The following KCNK2 variants were observed in gnomAD, a reference collection of about 807,000 sequenced individuals.
The protein encoded by KCNK2 is potassium two pore domain channel subfamily K member 2, also known as potassium channel subfamily K member 2.
A neutral mutation model predicts 40.5 loss-of-function variants in KCNK2; 21 were observed. The ratio of observed to expected loss-of-function variants is 0.52; its 90% CI spans 0.37 to 0.75. The LOEUF is 0.75. Ranked by LOEUF, KCNK2 falls within the 30% of genes least tolerant of loss-of-function variation. The pLI, the probability that KCNK2 is intolerant of heterozygous loss-of-function variation, is 0.00. For synonymous variants in KCNK2, 191 were observed against 202.2 expected (o/e 0.94, Z 0.47); for missense variants, 399 against 531.6 (o/e 0.75, Z 2.45).
chr1:215,059,757 G>C (rs925978917), intron 1 of KCNK2, among the ~76,000 whole-genome samples: 13 of 152,186 alleles, frequency 8.5e-5, no homozygotes, highest in African/African-American at 3.1e-4. Flanking sequence ...CCTAGACAAG[G>C]GGAGAAAGAT....
At chr1:215,125,702 C>T (rs1433454626) in intron 3 of KCNK2, among the ~76,000 whole-genome samples, 2 of 143,472 alleles carry the variant, frequency 1.4e-5, no homozygotes, top group South Asian at 2.2e-4. Flanking sequence ...CAAACCTGCA[C>T]GTTGTGCACA....
chr1:215,040,929 A>G lies in KCNK2; in HGVS notation c.34+34974A>G, dbSNP rs894050944. 1.3e-5 allele frequency among the ~76,000 whole-genome samples: 2 copies of G among 152,146 alleles called. 1 individual carries two copies. ...TGGAGGGCTCTTTAGTCGCTCCCCA[A>G]CTTGAACTAGCCAAGCAAAGAAGGT... On this transcript the variant is annotated intron_variant, in intron 1 of 6. Coordinates refer to the KCNK2 transcript ENST00000391895.
chr1:215,101,413 G>C (rs903452661), intron 2 of KCNK2, among the ~76,000 whole-genome samples: 3 of 151,792 alleles, frequency 2.0e-5, no homozygotes, highest in Non-Finnish European at 4.4e-5. Flanking sequence ...GTTTTTTGGG[G>C]TGGGCAGGAA....
intron 1 of KCNK2, among the ~76,000 whole-genome samples, chr1:215,038,984 A>G (rs1657476461): frequency 6.7e-6 from 1 of 150,018 alleles, no homozygotes; most frequent in East Asian, 1.9e-4. Flanking sequence ...TTATGCTATG[A>G]AAAAAAAAAG....
upstream of KCNK2, among the ~76,000 whole-genome samples, chr1:215,078,617 C>T (rs1659038837): frequency 6.6e-6 from 1 of 152,142 alleles, no homozygotes; most frequent in South Asian, 2.1e-4. Context: ...TTACCTCCAC[C>T]TGTTCCCACC....
chr1:215,176,626 A>T (rs547881637), intron 5 of KCNK2, among the ~76,000 whole-genome samples: 1 of 152,242 alleles, frequency 6.6e-6, no homozygotes, highest in South Asian at 2.1e-4. Flanking sequence ...GCTGAGGATA[A>T]TGGCTTCCAG....
rs1174217745 is a variant in KCNK2 at position 215,007,183 on chromosome 1, G to A, written c.34+1228G>A. Among the ~76,000 whole-genome samples the A allele has an allele frequency of 4.5e-3, 376 of 83,574 alleles. 18 individuals carry two copies. The highest frequency in any genetic ancestry group is 0.013 in the African/African-American group (260 of 19,572). The allele number at this position is 83,574 out of a possible 152,430, so 54.8% of individuals were successfully genotyped here. A position where few individuals can be genotyped will look rare whatever the true frequency, so the allele number is the denominator to read the frequency against. ...TATGTATATATATATGTATGTGTGTGGGTATATATATATATATATATATAT... is the reference window on the plus strand; with the variant it reads ...TATGTATATATATATGTATGTGTGTAGGTATATATATATATATATATATAT... On this transcript the variant is annotated intron_variant, in intron 1 of 6. Coordinates refer to the KCNK2 transcript ENST00000391895.
chr1:215,134,823 C>T (rs1415861671), intron 3 of KCNK2, among the ~76,000 whole-genome samples: 1 of 152,020 alleles, frequency 6.6e-6, no homozygotes, highest in East Asian at 1.9e-4. Context: ...AAAGATCCTC[C>T]TAGTAACCCT....
chr1:215,186,375 CAGGGCG>C (rs1664440119), intron 5 of KCNK2, among the ~76,000 whole-genome samples: 1 of 152,098 alleles, frequency 6.6e-6, no homozygotes. Context: ...TCCTGGGCAA[CAGGGCG>C]AGGCCCCATC....
intron 3 of KCNK2, among the ~76,000 whole-genome samples, chr1:215,125,127 G>A (rs1319786889): frequency 1.3e-5 from 2 of 151,910 alleles, no homozygotes; most frequent in Non-Finnish European, 2.9e-5. Flanking sequence ...AAGTTCTTAC[G>A]TGATATCACC....
At chr1:215,176,155 T>G (rs539790895) in intron 5 of KCNK2, among the ~76,000 whole-genome samples, 2 of 152,204 alleles carry the variant, frequency 1.3e-5, no homozygotes, top group South Asian at 4.2e-4. Context: ...TTACCAGCAT[T>G]ATTATTTGTT....
At chr1:215,151,370 C>T (rs1662678777) in intron 3 of KCNK2, among the ~76,000 whole-genome samples, 1 of 152,050 alleles carries the variant, frequency 6.6e-6, no homozygotes. Context: ...AGTTCTGTTT[C>T]TGAGCTCTTT....
intron 1 of KCNK2, among the ~76,000 whole-genome samples, chr1:215,085,071 G>A (rs564178872): frequency 2.0e-5 from 3 of 152,254 alleles, no homozygotes; most frequent in East Asian, 1.9e-4. Flanking sequence ...GTGAAAACTG[G>A]CATTTTTTAT....
chr1:215,209,415 T>A (rs1408471659), intron 6 of KCNK2, among the ~76,000 whole-genome samples: 5 of 31,088 alleles, frequency 1.6e-4, no homozygotes, highest in African/African-American at 5.1e-4. Context: ...ATGCATATAT[T>A]ATATATAATA....
intron 5 of KCNK2, among the ~76,000 whole-genome samples, chr1:215,190,917 G>A (rs1316924480): frequency 6.6e-6 from 1 of 151,912 alleles, no homozygotes; most frequent in Non-Finnish European, 1.5e-5. Flanking sequence ...CTGTAAATCA[G>A]TGGAAATGAG....
intron 1 of KCNK2, among the ~76,000 whole-genome samples, chr1:215,044,372 T>C (rs907181364): frequency 2.6e-5 from 4 of 152,274 alleles, no homozygotes; most frequent in East Asian, 1.9e-4. Flanking sequence ...CCTGGTTTAG[T>C]TGAACAAAAC....
intron 3 of KCNK2, among the ~76,000 whole-genome samples, chr1:215,163,418 C>T (rs1663297207): frequency 6.6e-6 from 1 of 152,100 alleles, no homozygotes; most frequent in African/African-American, 2.4e-5. Flanking sequence ...ATTTCTTTCT[C>T]TTGCCTGATT....
At chr1:215,118,475 T>C (rs1661043386) in intron 2 of KCNK2, among the ~76,000 whole-genome samples, 1 of 152,154 alleles carries the variant, frequency 6.6e-6, no homozygotes, top group African/African-American at 2.4e-5. Context: ...AGTGGTCACA[T>C]GTAGTGTTGT....
intron 1 of KCNK2, among the ~76,000 whole-genome samples, chr1:215,030,910 T>C (rs1323326901): frequency 6.6e-6 from 1 of 152,122 alleles, no homozygotes; most frequent in African/African-American, 2.4e-5. Context: ...GTGATTTCTT[T>C]TGGGTTTTAT....
Sources: gnomAD v4.1 joint callset for allele counts (sites outside exome capture counted in the v4.1 genomes callset) on GRCh38, gnomAD v4.1.1 for gene constraint, MANE v1.5 for transcripts, NCBI Gene and HGNC (gene_info 2026-07-23, HGNC 2026-07-21) for gene names.